MPP7: variants seen among roughly 807,000 people sequenced by gnomAD.
MPP7 encodes the protein MAGUK p55 scaffold protein 7, also known as MAGUK p55 subfamily member 7.
In MPP7, 60 loss-of-function variants were observed where a neutral mutation model predicts 76.5. The observed-to-expected ratio is 0.78, with a 90% CI of 0.64 to 0.97. The LOEUF (loss-of-function observed/expected upper bound fraction) is 0.97, where lower values mean the gene tolerates loss of function less well. Among genes scored for constraint, MPP7 ranks in the 50% least tolerant of loss-of-function variants. The pLI, the probability that MPP7 is intolerant of heterozygous loss-of-function variation, is 0.00. For missense variants in MPP7, 641 were observed against 694.0 expected (o/e 0.92, Z 0.86); for synonymous variants, 237 against 244.5 (o/e 0.97, Z 0.29).
chr10:28,221,039 C>G (rs1838486944), intron 2 of MPP7, among the ~76,000 whole-genome samples: 1 of 152,086 alleles, frequency 6.6e-6, no homozygotes. Context: ...CAACCTGTTA[C>G]ACAATAATGC....
At chr10:28,187,344 A>G (rs140456673) in intron 3 of MPP7, among the ~76,000 whole-genome samples, 31 of 152,324 alleles carry the variant, frequency 2.0e-4, no homozygotes, top group African/African-American at 6.7e-4. Context: ...CAGACTTTAC[A>G]TGTTTCTGTG....
rs544686501 is a variant in MPP7 at position 28,141,296 on chromosome 10, T to A, written c.315+6187A>T. ...ATTAATAACAGGAAGCACAGAAGTA[T>A]CCCCATAAAAGTACAGAAAAACAAA... is the stretch of plus-strand genomic sequence containing the variant. On this transcript the variant is annotated intron_variant, in intron 5 of 16. Transcript: ENST00000683449. 8.6e-5 allele frequency among the ~76,000 whole-genome samples: 13 copies of A among 152,026 alleles called. No homozygotes were observed. In the South Asian group the frequency reaches 1.0e-3, roughly 12 times the overall value.
chr10:28,236,435 G>T lies in MPP7; in HGVS notation c.37+2133C>A, dbSNP rs76039811. Reference sequence around the variant, plus strand: ...AGCTTGGTGTAGAAAAAAAGCTGAAGAATAATAAATAGGGCATAACAAAAT... The same window carrying T: ...AGCTTGGTGTAGAAAAAAAGCTGAATAATAATAAATAGGGCATAACAAAAT... On this transcript the variant is annotated intron_variant, in intron 2 of 16. Coordinates refer to ENST00000683449, the MANE Select transcript of MPP7 (RefSeq NM_001318170.2). Among the ~76,000 whole-genome samples, 1,510 of 151,864 alleles carry T rather than the reference G, an allele frequency of 9.9e-3. 25 individuals carry two copies. The highest frequency in any genetic ancestry group is 0.066 in the East Asian group (339 of 5,170).
At chr10:28,087,729 G>C (rs1003653642) in intron 12 of MPP7, among the ~76,000 whole-genome samples, 28 of 152,040 alleles carry the variant, frequency 1.8e-4, no homozygotes, top group African/African-American at 6.8e-4. Flanking sequence ...TTTCCCCTTG[G>C]CTGAGGAGAA....
At chr10:28,088,869 C>T (rs934884480) in intron 12 of MPP7, among the ~76,000 whole-genome samples, 1 of 152,096 alleles carries the variant, frequency 6.6e-6, no homozygotes, top group African/African-American at 2.4e-5. Context: ...TACCCACATT[C>T]CTTTATTAAC....
rs564309032 is a variant in MPP7 at position 28,310,632 on chromosome 10, G to A, written c.-132+19297C>T. ...ATTTGCAACAGTATTAAAATTACCT[G>A]AAGAGCCTTTTCAAATTATACAAGC... is the stretch of plus-strand genomic sequence containing the variant. On this transcript the variant is annotated intron_variant, in intron 2 of 11. Transcript: ENST00000441595. Among the ~76,000 whole-genome samples the A allele has an allele frequency of 5.9e-5, 9 of 152,264 alleles. No homozygotes were observed. In the South Asian group the frequency reaches 1.7e-3, roughly 28 times the overall value.
chr10:28,208,956 C>T (rs927802671), intron 2 of MPP7, among the ~76,000 whole-genome samples: 2 of 152,056 alleles, frequency 1.3e-5, no homozygotes, highest in African/African-American at 2.4e-5. Context: ...GTCCTCAAGA[C>T]AGTGAGTGAG....
At chr10:28,325,621 A>G (rs527311931) in intron 2 of MPP7, among the ~76,000 whole-genome samples, 1 of 152,008 alleles carries the variant, frequency 6.6e-6, no homozygotes, top group African/African-American at 2.4e-5. Flanking sequence ...AACTTCCCGA[A>G]TAGCTGAGAT....
intron 3 of MPP7, among the ~76,000 whole-genome samples, chr10:28,159,811 C>T (rs1013311604): frequency 1.3e-4 from 20 of 152,152 alleles, no homozygotes; most frequent in African/African-American, 4.6e-4. Context: ...TTCTACATGG[C>T]GCTTACCCAT....
intron 3 of MPP7, among the ~76,000 whole-genome samples, chr10:28,177,390 G>A (rs557253439): frequency 1.5e-4 from 23 of 150,316 alleles, no homozygotes; most frequent in African/African-American, 3.4e-4. Flanking sequence ...CCTGGGCAAC[G>A]CAGTGAGACT....
chr10:28,195,793 A>G (rs1257250031), intron 3 of MPP7, among the ~76,000 whole-genome samples: 1 of 152,218 alleles, frequency 6.6e-6, no homozygotes, highest in African/African-American at 2.4e-5. Context: ...TTGAGGTGAT[A>G]AAAAGGTTCT....
chr10:28,282,821 C>G (rs976998639), intron 1 of MPP7, among the ~76,000 whole-genome samples: 2 of 151,892 alleles, frequency 1.3e-5, no homozygotes, highest in South Asian at 4.2e-4. Flanking sequence ...CTCCTCCCAA[C>G]CTGACCCCCA....
chr10:28,129,636 T>C (rs1031112676), intron 6 of MPP7, among the ~76,000 whole-genome samples: 4 of 152,022 alleles, frequency 2.6e-5, no homozygotes, highest in Non-Finnish European at 5.9e-5. Context: ...AACTGCCGTA[T>C]TGCAAGGTCT....
At chr10:28,076,871 G>A (rs1588731077) in intron 12 of MPP7, among the ~76,000 whole-genome samples, 1 of 145,178 alleles carries the variant, frequency 6.9e-6, no homozygotes, top group Admixed American at 7.1e-5. Flanking sequence ...CTGGGTGACA[G>A]AGTAAGACTC....
chr10:28,120,420 A>G (rs937181548), intron 9 of MPP7, 30 bp from the exon 10 acceptor site: 1 of 1,586,574 alleles, frequency 6.3e-7, no homozygotes, highest in East Asian at 2.2e-5. Flanking sequence ...AAAGATGAAT[A>G]AAGATAAAAA....
chr10:28,134,834 A>G (rs1835305807), intron 5 of MPP7, among the ~76,000 whole-genome samples: 1 of 152,128 alleles, frequency 6.6e-6, no homozygotes, highest in African/African-American at 2.4e-5. Context: ...AAACTGATTG[A>G]CAGCTGATTA....
intron 1 of MPP7, among the ~76,000 whole-genome samples, chr10:28,277,671 A>G (rs1840544988): frequency 6.6e-6 from 1 of 152,130 alleles, no homozygotes; most frequent in African/African-American, 2.4e-5. Flanking sequence ...GGTACGGGGT[A>G]AACCGAAGGC....
intron 2 of MPP7, among the ~76,000 whole-genome samples, chr10:28,212,079 C>T (rs532655656): frequency 2.0e-5 from 3 of 151,772 alleles, no homozygotes; most frequent in East Asian, 1.9e-4. Flanking sequence ...CACCACTGCT[C>T]TCTGGCCTGG....
intron 3 of MPP7, among the ~76,000 whole-genome samples, chr10:28,185,461 G>A (rs1442167827): frequency 6.6e-6 from 1 of 152,048 alleles, no homozygotes; most frequent in Non-Finnish European, 1.5e-5. Flanking sequence ...ACAAAAGGGT[G>A]AATAGACAGA....
Sources: allele counts gnomAD v4.1 joint callset (sites outside exome capture counted in the v4.1 genomes callset), GRCh38; gene constraint gnomAD v4.1.1; transcripts MANE v1.5; gene names NCBI Gene and HGNC (gene_info 2026-07-23, HGNC 2026-07-21).